PPFIA2: variants seen among roughly 807,000 people sequenced by gnomAD.
PPFIA2 encodes liprin-alpha-2.
Under a neutral mutation model 175.5 loss-of-function variants are expected in PPFIA2, and 46 were observed. That is an observed-to-expected ratio of 0.26 (90% CI 0.21 to 0.34). The LOEUF (loss-of-function observed/expected upper bound fraction) is 0.34. Ranked by LOEUF, PPFIA2 falls within the 10% of genes least tolerant of loss-of-function variation. The pLI, the probability that PPFIA2 is intolerant of heterozygous loss-of-function variation, is 1.00. For missense variants in PPFIA2, 1,179 were observed against 1,506.1 expected (o/e 0.78, Z 3.60); for synonymous variants, 568 against 511.4 (o/e 1.11, Z -1.49).
chr12:81,610,093 C>G (rs1000627477), intron 4 of PPFIA2, among the ~76,000 whole-genome samples: 36 of 152,132 alleles, frequency 2.4e-4, no homozygotes, highest in African/African-American at 8.7e-4. Flanking sequence ...ATAACAGTCT[C>G]CCTATCTCTT....
intron 11 of PPFIA2, among the ~76,000 whole-genome samples, chr12:81,372,656 G>T (rs2035455322): frequency 6.7e-6 from 1 of 150,274 alleles, no homozygotes; most frequent in South Asian, 2.1e-4. Context: ...AAAAAAAAAT[G>T]ACAGGCAAAA....
At chr12:81,444,183 C>G (rs1038355661) in intron 6 of PPFIA2, among the ~76,000 whole-genome samples, 10 of 152,110 alleles carry the variant, frequency 6.6e-5, no homozygotes, top group Admixed American at 5.2e-4. Flanking sequence ...ACATCCTTGT[C>G]TTTGTCATTA....
chr12:81,462,535 T>C (rs957424509), intron 4 of PPFIA2, among the ~76,000 whole-genome samples: 1 of 140,822 alleles, frequency 7.1e-6, no homozygotes, highest in Non-Finnish European at 1.5e-5. Context: ...TATATATGTA[T>C]GTATGTATGT....
intron 4 of PPFIA2, among the ~76,000 whole-genome samples, chr12:81,636,442 T>C (rs2064053690): frequency 1.3e-5 from 2 of 151,016 alleles, no homozygotes; most frequent in South Asian, 4.2e-4. Context: ...ATTTTTTGTA[T>C]TTTTAGTAGA....
intron 4 of PPFIA2, chr12:81,598,263 T>A: frequency 7.8e-7 from 1 of 1,279,924 alleles, no homozygotes; most frequent in Non-Finnish European, 9.9e-7. Context: ...CTCTAGAACA[T>A]ACAATGTTTT....
chr12:81,740,103 A>G (rs1407282247), intron 3 of PPFIA2, among the ~76,000 whole-genome samples: 1 of 152,094 alleles, frequency 6.6e-6, no homozygotes. Context: ...TAAAATATTC[A>G]TTTTTGGGGA....
rs35563177 is a variant in PPFIA2 at position 81,546,730 on chromosome 12, CT to C, written c.304-88865del. 3.1e-3 allele frequency among the ~76,000 whole-genome samples: 456 copies of C among 145,334 alleles called. 4 individuals are homozygous for C. Among genetic ancestry groups the C allele is most frequent in the South Asian group, 0.01 (48 of 4,578 alleles). On this transcript the variant is annotated intron_variant, in intron 4 of 32. Coordinates refer to ENST00000549396, the MANE Select transcript of PPFIA2 (RefSeq NM_003625.5). Reference sequence around the variant, plus strand: ...ATTATGCATTGACTTTCTCTTACCTCTTTTTTTTTTTAACATTTCAGAGAAA... The same window carrying C: ...ATTATGCATTGACTTTCTCTTACCTCTTTTTTTTTTAACATTTCAGAGAAA...
chr12:81,581,148 CTTTT>C (rs5799542), intron 4 of PPFIA2, among the ~76,000 whole-genome samples: 1 of 139,584 alleles, frequency 7.2e-6, no homozygotes. Flanking sequence ...GTCATAGACA[CTTTT>C]TTTTTTTTTT....
chr12:81,288,111 C>T (rs1788650656), intron 24 of PPFIA2, among the ~76,000 whole-genome samples: 2 of 151,776 alleles, frequency 1.3e-5, no homozygotes, highest in Non-Finnish European at 1.5e-5. Flanking sequence ...TACAGTAGCA[C>T]TTACTAATGA....
At chr12:81,464,446 C>T (rs1364518894) in intron 4 of PPFIA2, among the ~76,000 whole-genome samples, 4 of 152,154 alleles carry the variant, frequency 2.6e-5, no homozygotes, top group African/African-American at 9.6e-5. Context: ...GATAAGCTGT[C>T]TTGTATCTTA....
At chr12:81,464,895 A>AC (rs1056877309) in intron 4 of PPFIA2, among the ~76,000 whole-genome samples, 10 of 151,632 alleles carry the variant, frequency 6.6e-5, no homozygotes, top group Non-Finnish European at 1.0e-4. Context: ...AAAAAAAAAA[A>AC]AAACTTCTAA....
rs2065238982 is a variant in PPFIA2, at chr12:81,642,697, C to CATGTGT, written c.303+34093_303+34094insACACAT. 7.1e-3 allele frequency among the ~76,000 whole-genome samples: 48 copies of CATGTGT among 6,732 alleles called. 16 individuals carry two copies. Among genetic ancestry groups the CATGTGT allele is most frequent in the South Asian group, 0.025 (6 of 236 alleles). 4.4% of individuals were successfully genotyped at this position (6,732 alleles called of 152,430 possible). On this transcript the variant is annotated intron_variant, in intron 4 of 32. Transcript: ENST00000549396. ...CATGTATGTATCTATTATATACATA[C>CATGTGT]ATGTATATGTATGTATGTATTATAT...
chr12:81,706,332 C>T (rs1304274579), intron 3 of PPFIA2, among the ~76,000 whole-genome samples: 1 of 152,118 alleles, frequency 6.6e-6, no homozygotes, highest in Admixed American at 6.5e-5. Context: ...TCTAGGGAGG[C>T]TATATTACAT....
At chr12:81,276,555 T>C (rs2040584390) in intron 28 of PPFIA2, among the ~76,000 whole-genome samples, 1 of 152,182 alleles carries the variant, frequency 6.6e-6, no homozygotes, top group Non-Finnish European at 1.5e-5. Context: ...CTCGGGTATA[T>C]TAAGGTACTT....
In PPFIA2 at chr12:81,260,384, A is replaced by T. The variant is rs2035012791; in HGVS notation, c.*34-724T>A. Reference sequence around the variant, plus strand: ...AGAGTAACTCTACCCATCACTTAAGAGCTAAGAAGCAAGCACTATTGAACA... The same window carrying T: ...AGAGTAACTCTACCCATCACTTAAGTGCTAAGAAGCAAGCACTATTGAACA... On this transcript the variant is annotated intron_variant, in intron 32 of 32. Transcript: ENST00000549396. 2.6e-5 allele frequency: 4 copies of T among 152,218 alleles called. No homozygotes were observed. The South Asian group carries it at 8.3e-4, about 31-fold the overall frequency. 9.4% of individuals were successfully genotyped at this position (152,218 alleles called of 1,614,324 possible).
chr12:81,281,305 G>A lies in PPFIA2; in HGVS notation c.3164C>T (p.Thr1055Ile). Reference protein sequence around the residue: ...LVDARMLDHLTKKDLRVHLKM... With the variant: ...LVDARMLDHLIKKDLRVHLKM... Reference sequence around the variant, plus strand: ...TAAATGGACACGGAGATCTTTTTTTGTTAGGTGATCTAACATTCTTGCATC... The same window carrying A: ...TAAATGGACACGGAGATCTTTTTTTATTAGGTGATCTAACATTCTTGCATC... The change falls in exon 27 of 33, where the codon ACA (threonine) becomes ATA (isoleucine). Residue 1055 changes from threonine (T) to isoleucine (I), a missense_variant. Physicochemically the swap from Thr to Ile is moderately conservative, Grantham distance 89 (BLOSUM62 -1). Coordinates refer to ENST00000549396, the MANE Select transcript of PPFIA2 (RefSeq NM_003625.5). 1.2e-6 allele frequency: 2 copies of A among 1,608,304 alleles called. No homozygotes were observed. The highest frequency in any genetic ancestry group is 1.7e-6 in the Non-Finnish European group (2 of 1,177,132).
intron 3 of PPFIA2, among the ~76,000 whole-genome samples, chr12:81,697,120 AT>A: frequency 6.7e-6 from 1 of 150,324 alleles, no homozygotes; most frequent in South Asian, 2.1e-4. Context: ...GAATTTCTAA[AT>A]TTTGCTTAAT....
At chr12:81,630,115 A>AC (rs2063197237) in intron 4 of PPFIA2, among the ~76,000 whole-genome samples, 1 of 152,168 alleles carries the variant, frequency 6.6e-6, no homozygotes, top group Admixed American at 6.5e-5. Context: ...GAAAAGGCAA[A>AC]CAAGTAGATT....
intron 4 of PPFIA2, among the ~76,000 whole-genome samples, chr12:81,563,180 C>A (rs2070557331): frequency 6.6e-6 from 1 of 152,032 alleles, no homozygotes; most frequent in African/African-American, 2.4e-5. Flanking sequence ...TTGTCTATGT[C>A]ATTGCTTCTG....
Sources: gnomAD v4.1 joint callset for allele counts (sites outside exome capture counted in the v4.1 genomes callset) on GRCh38, gnomAD v4.1.1 for gene constraint, MANE v1.5 for transcripts, NCBI Gene and HGNC (gene_info 2026-07-23, HGNC 2026-07-21) for gene names.